DNAAF9: variants seen among roughly 807,000 people sequenced by gnomAD.
DNAAF9 encodes the protein shulin.
DNAAF9 carries 90 observed loss-of-function variants against 167.0 expected under a neutral mutation model. That is an observed-to-expected ratio of 0.54 (90% CI 0.45 to 0.64). DNAAF9 has a LOEUF of 0.64. DNAAF9 is among the 30% of genes least tolerant of loss of function. DNAAF9 has a pLI of 0.00. For synonymous variants in DNAAF9, 491 were observed against 508.8 expected (o/e 0.96, Z 0.47); for missense variants, 1,315 against 1,442.2 (o/e 0.91, Z 1.43).
chr20:3,256,308 G>C (rs2068279778), intron 33 of DNAAF9, 97 bp from the exon 34 acceptor site: 1 of 895,106 alleles, frequency 1.1e-6, no homozygotes, highest in South Asian at 1.5e-5. Context: ...ATAGATTCAT[G>C]AGAAAATGCA....
chr20:3,261,729 C>G (rs2068392252), intron 31 of DNAAF9, among the ~76,000 whole-genome samples: 1 of 126,362 alleles, frequency 7.9e-6, no homozygotes, highest in Non-Finnish European at 1.7e-5. Context: ...GTATCTTATT[C>G]TTCTTAATTT....
chr20:3,373,153 T>A (rs994081591), intron 6 of DNAAF9, among the ~76,000 whole-genome samples: 1 of 152,216 alleles, frequency 6.6e-6, no homozygotes, highest in African/African-American at 2.4e-5. Flanking sequence ...CCCATGCTGC[T>A]CCATTTCAGA....
intron 28 of DNAAF9, among the ~76,000 whole-genome samples, chr20:3,280,310 C>T (rs1413353375): frequency 2.0e-5 from 3 of 152,070 alleles, no homozygotes; most frequent in African/African-American, 2.4e-5. Flanking sequence ...AGCCTGTAAT[C>T]CCAGCACTTT....
intron 31 of DNAAF9, 43 bp downstream of exon 31, chr20:3,264,395 G>C: frequency 1.2e-6 from 1 of 869,508 alleles, no homozygotes; most frequent in Non-Finnish European, 1.9e-6. Flanking sequence ...AAATCATTGG[G>C]TTTACAAAAA....
intron 7 of DNAAF9, among the ~76,000 whole-genome samples, chr20:3,354,468 C>CAGCT (rs1321165596): frequency 6.6e-6 from 1 of 152,220 alleles, no homozygotes; most frequent in Non-Finnish European, 1.5e-5. Context: ...CCAGCAGAGG[C>CAGCT]AGCTCTTGGG....
rs1600768110 is a variant in DNAAF9 at position 3,316,191 on chromosome 20, G to C, written c.1540-406C>G. On this transcript the variant is annotated intron_variant, in intron 18 of 36. Coordinates refer to ENST00000252032, the MANE Select transcript of DNAAF9 (RefSeq NM_001009984.3). Reference sequence around the variant, plus strand: ...TGTCTGTGTGGGAACTGTAGAAGCAGAATGTGAGCACTCTCAAGAAGGGAC... The same window carrying C: ...TGTCTGTGTGGGAACTGTAGAAGCACAATGTGAGCACTCTCAAGAAGGGAC... The C allele has an allele frequency of 5.0e-5, 11 of 220,514 alleles. No homozygotes were observed. In the South Asian group the frequency reaches 8.7e-4, roughly 18 times the overall value. 13.7% of individuals were successfully genotyped at this position (220,514 alleles called of 1,614,324 possible). A position where few individuals can be genotyped will look rare whatever the true frequency, so the allele number is the denominator to read the frequency against.
rs1491384105 is a variant in DNAAF9 at position 3,350,140 on chromosome 20, G to GACACACAC, written c.691-1518_691-1517insGTGTGTGT. On this transcript the variant is annotated intron_variant, in intron 7 of 36. Transcript: ENST00000252032. ...AGACTATCAGACACACAGACACACA[G>GACACACAC]ACACACAGACACACAGACACACACA... 1.1e-3 allele frequency among the ~76,000 whole-genome samples: 125 copies of GACACACAC among 115,772 alleles called. 1 individual carries two copies. Among genetic ancestry groups the GACACACAC allele is most frequent in the Middle Eastern group, 0.011 (2 of 182 alleles). The allele number at this position is 115,772 out of a possible 152,430, so 76.0% of individuals were successfully genotyped here.
chr20:3,265,836 C>A (rs148445083), intron 30 of DNAAF9, among the ~76,000 whole-genome samples: 2,907 of 151,730 alleles, frequency 0.019, 32 homozygotes, highest in Middle Eastern at 0.041. Flanking sequence ...CACCACCACG[C>A]CCTGCTAATT....
At chr20:3,382,673 G>A (rs1472475323) in intron 1 of DNAAF9, among the ~76,000 whole-genome samples, 167 bp from the exon 2 acceptor site, 1 of 152,176 alleles carries the variant, frequency 6.6e-6, no homozygotes, top group African/African-American at 2.4e-5. Context: ...GGATTGGGAA[G>A]GTTCCTTTCT....
At chr20:3,277,817 C>A (rs1023604696) in intron 29 of DNAAF9, among the ~76,000 whole-genome samples, 1 of 152,204 alleles carries the variant, frequency 6.6e-6, no homozygotes, top group African/African-American at 2.4e-5. Context: ...GCCCAACATA[C>A]ACATTCCTCC....
chr20:3,269,079 T>C (rs1177199597), intron 30 of DNAAF9, among the ~76,000 whole-genome samples: 2 of 151,782 alleles, frequency 1.3e-5, no homozygotes, highest in African/African-American at 4.8e-5. Flanking sequence ...AATTTCTGTA[T>C]TTTTTTAAAT....
chr20:3,317,933 A>G (rs2069533932), intron 17 of DNAAF9, among the ~76,000 whole-genome samples: 2 of 151,964 alleles, frequency 1.3e-5, no homozygotes, highest in Admixed American at 6.6e-5. Context: ...GTGAGATTAC[A>G]TATCTTCATT....
chr20:3,287,145 T>C (rs1178695790), intron 27 of DNAAF9, among the ~76,000 whole-genome samples: 2 of 152,154 alleles, frequency 1.3e-5, no homozygotes, highest in Admixed American at 1.3e-4. Context: ...CACACAGCCA[T>C]GAAAGGGGAG....
At chr20:3,282,766 C>T (rs1048808117) in intron 27 of DNAAF9, among the ~76,000 whole-genome samples, 1 of 152,118 alleles carries the variant, frequency 6.6e-6, no homozygotes, top group Admixed American at 6.6e-5. Flanking sequence ...TTCTTTGCCC[C>T]CCTGCCTGGA....
intron 1 of DNAAF9, among the ~76,000 whole-genome samples, chr20:3,383,130 C>T (rs940000537): frequency 6.6e-6 from 1 of 152,042 alleles, no homozygotes; most frequent in South Asian, 2.1e-4. Flanking sequence ...TTCTAAGGAC[C>T]CCATTCTCTC....
chr20:3,354,093 G>A (rs1480856922), intron 7 of DNAAF9, among the ~76,000 whole-genome samples: 1 of 151,990 alleles, frequency 6.6e-6, no homozygotes, highest in East Asian at 1.9e-4. Context: ...ACTTCTCTAT[G>A]CCCACTTTAC....
intron 20 of DNAAF9, among the ~76,000 whole-genome samples, chr20:3,305,255 AGATTAAT>A (rs2122990598): frequency 1.3e-5 from 2 of 152,204 alleles, no homozygotes; most frequent in Non-Finnish European, 2.9e-5. Flanking sequence ...AAGATGACAA[AGATTAAT>A]GCTGGGCCTG....
chr20:3,261,421 C>A (rs8117414), intron 31 of DNAAF9, among the ~76,000 whole-genome samples: 1 of 151,590 alleles, frequency 6.6e-6, no homozygotes, highest in African/African-American at 2.4e-5. Flanking sequence ...CAGGCTGGAG[C>A]GCAGTGGCAC....
At chr20:3,254,572 T>C (rs2068246314) in intron 35 of DNAAF9, among the ~76,000 whole-genome samples, 1 of 152,194 alleles carries the variant, frequency 6.6e-6, no homozygotes, top group Admixed American at 6.5e-5. Context: ...ACCCAGGTTG[T>C]CCGGGCCTAT....
Sources: allele counts gnomAD v4.1 joint callset (sites outside exome capture counted in the v4.1 genomes callset), GRCh38; gene constraint gnomAD v4.1.1; transcripts MANE v1.5; gene names NCBI Gene and HGNC (gene_info 2026-07-23, HGNC 2026-07-21).